BCL11B: variants seen among roughly 807,000 people sequenced by gnomAD.
BCL11B encodes BCL11 transcription factor B.
BCL11B carries 8 observed loss-of-function variants against 49.9 expected under a neutral mutation model. The ratio of observed to expected loss-of-function variants is 0.16; its 90% CI spans 0.09 to 0.29. The LOEUF is 0.29. Ranked by LOEUF, BCL11B falls within the 10% of genes least tolerant of loss-of-function variation. BCL11B has a pLI of 1.00. For missense variants in BCL11B, 1,006 were observed against 1,351.0 expected, an observed-to-expected ratio of 0.74 and a Z score of 4.00; for synonymous variants, 739 against 637.4, an observed-to-expected ratio of 1.16 and a Z score of -2.40.
In BCL11B at chr14:99,174,632, G is replaced by C; in HGVS notation, c.2204C>G (p.Ser735Trp). Residue 735 changes from serine to tryptophan, a missense_variant, in exon 4 of 4, where the codon TCG becomes TGG. Physicochemically the swap from Ser to Trp is radical, Grantham distance 177 (BLOSUM62 -3). Around this residue, in one of 6 missense-constraint regions of BCL11B, gnomAD observed 443 missense variants for 499.7 expected, o/e 0.89. Coordinates refer to ENST00000357195, the MANE Select transcript of BCL11B (RefSeq NM_138576.4). Reference sequence around the variant, plus strand: ...GTGCTCGGACGACGTGGCGAAGGGCGACTGTCGTGCGTCCGTGAAGCCCAG... The same window carrying C: ...GTGCTCGGACGACGTGGCGAAGGGCCACTGTCGTGCGTCCGTGAAGCCCAG... ...PFLGFTDARQ[S>W]PFATSSEHSS... The C allele has an allele frequency of 6.4e-7, 1 of 1,568,682 alleles. No homozygotes were observed. The highest frequency in any genetic ancestry group is 8.6e-7 in the Non-Finnish European group (1 of 1,161,694).
chr14:99,197,169 A>G (rs924737921), intron 3 of BCL11B, among the ~76,000 whole-genome samples: 1 of 152,160 alleles, frequency 6.6e-6, no homozygotes, highest in African/African-American at 2.4e-5. Flanking sequence ...GCTACACAAC[A>G]TCCCTTTGCT....
intron 1 of BCL11B, among the ~76,000 whole-genome samples, chr14:99,269,834 G>C (rs1889603333): frequency 7.5e-6 from 1 of 133,298 alleles, no homozygotes; most frequent in African/African-American, 2.8e-5. Context: ...CCTGCCCGCG[G>C]TCTCGATGGC....
rs1888345452 is a variant in BCL11B, at chr14:99,231,792, G to A, written c.428-235C>T. ...CCCGGTTTCCACAGCTGCCAGGCTGGGCTGTCGGGGAGGCAGGACCCCGCC... is the reference window on the plus strand; with the variant it reads ...CCCGGTTTCCACAGCTGCCAGGCTGAGCTGTCGGGGAGGCAGGACCCCGCC... On this transcript the variant is annotated intron_variant, in intron 2 of 3. Coordinates refer to ENST00000357195, the MANE Select transcript of BCL11B (RefSeq NM_138576.4). This position sits in a 1 kb window ranked among gnomAD's most constrained non-coding sequence, Gnocchi z 8.1. 1.3e-5 allele frequency among the ~76,000 whole-genome samples: 2 copies of A among 151,946 alleles called. No individual in the cohort carries two copies. The highest frequency in any genetic ancestry group is 4.1e-4 in the South Asian group (2 of 4,824).
At chr14:99,177,249 C>T (rs956210751) in intron 3 of BCL11B, among the ~76,000 whole-genome samples, 3 of 152,156 alleles carry the variant, frequency 2.0e-5, no homozygotes, top group African/African-American at 7.2e-5. Context: ...ATCCTCACAT[C>T]TGACAGGGCA....
At chr14:99,203,985 C>T (rs1273498452) in intron 3 of BCL11B, among the ~76,000 whole-genome samples, 2 of 152,170 alleles carry the variant, frequency 1.3e-5, no homozygotes, top group Non-Finnish European at 2.9e-5. Flanking sequence ...CCCCAGGTCC[C>T]CCAGGCCCTT....
rs1387343779 is a variant in BCL11B, at chr14:99,231,827, C to T, written c.428-270G>A. Among the ~76,000 whole-genome samples the T allele has an allele frequency of 1.3e-5, 2 of 151,890 alleles. No homozygotes were observed. Among genetic ancestry groups the T allele is most frequent in the Non-Finnish European group, 2.9e-5 (2 of 67,910 alleles). ...GAGGCAGGACCCCGCCTCTGGGGGC[C>T]TGGTGCAGGGGGCTGGGTGAACGGG... On this transcript the variant is annotated intron_variant, in intron 2 of 3. Coordinates refer to ENST00000357195, the MANE Select transcript of BCL11B (RefSeq NM_138576.4). The surrounding 1 kb of genome is among the most constrained non-coding windows in gnomAD (Gnocchi z 8.1).
intron 3 of BCL11B, among the ~76,000 whole-genome samples, chr14:99,183,532 A>G (rs1377542592): frequency 6.6e-6 from 1 of 151,990 alleles, no homozygotes; most frequent in Non-Finnish European, 1.5e-5. Context: ...ACCCACTTCA[A>G]AGCCCAGACA....
Position 99,271,271 on chromosome 14 carries a change from C to G in BCL11B, c.-53G>C. Reference sequence around the variant, plus strand: ...CGGAGAGCTGCACTGATGGGGGGAGCCGGGGGAGGGGGTCCGAGCCGCCGC... The same window carrying G: ...CGGAGAGCTGCACTGATGGGGGGAGGCGGGGGAGGGGGTCCGAGCCGCCGC... On this transcript the variant is annotated 5_prime_UTR_variant, in exon 1 of 4. Transcript: ENST00000357195. 1 of 1,277,714 alleles carries G rather than the reference C, an allele frequency of 7.8e-7. No homozygotes were observed. The highest frequency in any genetic ancestry group is 9.9e-7 in the Non-Finnish European group (1 of 1,009,644). The allele number at this position is 1,277,714 out of a possible 1,614,324, so 79.1% of individuals were successfully genotyped here.
chr14:99,233,874 G>T (rs972770147), intron 2 of BCL11B, among the ~76,000 whole-genome samples: 1 of 152,276 alleles, frequency 6.6e-6, no homozygotes, highest in South Asian at 2.1e-4. Flanking sequence ...CGGCTCAACT[G>T]AGGCAGGGGA....
At chr14:99,185,469 G>A (rs183897091) in intron 3 of BCL11B, among the ~76,000 whole-genome samples, 274 of 148,128 alleles carry the variant, frequency 1.8e-3, no homozygotes, top group African/African-American at 6.5e-3. Flanking sequence ...AAAACTATAT[G>A]ACCAGTAATG....
chr14:99,269,059 C>T (rs1889569696), intron 1 of BCL11B, among the ~76,000 whole-genome samples: 1 of 151,664 alleles, frequency 6.6e-6, no homozygotes, highest in Non-Finnish European at 1.5e-5. Flanking sequence ...GCAAAGCGAA[C>T]CTACCTGCTT....
chr14:99,220,541 T>G lies in BCL11B; in HGVS notation c.640+10804A>C, dbSNP rs1040427493. 2.6e-5 allele frequency among the ~76,000 whole-genome samples: 4 copies of G among 152,250 alleles called. No individual in the cohort carries two copies. In the East Asian group the frequency reaches 7.7e-4, roughly 29 times the overall value. Reference sequence around the variant, plus strand: ...ACCTAAGGAACCTAGAGTAGTCACATTCAGAGAGACAGAACGGAGAATGGG... The same window carrying G: ...ACCTAAGGAACCTAGAGTAGTCACAGTCAGAGAGACAGAACGGAGAATGGG... On this transcript the variant is annotated intron_variant, in intron 3 of 3. Transcript: ENST00000357195.
At chr14:99,252,964 G>A (rs944977855) in intron 2 of BCL11B, among the ~76,000 whole-genome samples, 14 of 152,240 alleles carry the variant, frequency 9.2e-5, no homozygotes, top group East Asian at 7.7e-4. Context: ...AGAAAAACAC[G>A]TACTCGGCAT....
chr14:99,226,866 C>T (rs1888176184), intron 3 of BCL11B, among the ~76,000 whole-genome samples: 1 of 152,224 alleles, frequency 6.6e-6, no homozygotes. Context: ...AAACCCCAGA[C>T]TAGTTAAATA....
chr14:99,207,050 G>A (rs1269942179), intron 3 of BCL11B, among the ~76,000 whole-genome samples: 1 of 152,190 alleles, frequency 6.6e-6, no homozygotes, highest in Non-Finnish European at 1.5e-5. Context: ...TCTTTCATAA[G>A]TGAATCAGAA....
rs1402716515 is a variant in BCL11B at position 99,257,042 on chromosome 14, G to A, written c.427+429C>T. Among the ~76,000 whole-genome samples, 1 of 152,162 alleles carries A rather than the reference G, an allele frequency of 6.6e-6. No individual in the cohort carries two copies. The highest frequency in any genetic ancestry group is 1.5e-5 in the Non-Finnish European group (1 of 68,030). The stretch of plus-strand genomic sequence containing the variant: ...TCGTCCTCACAGCAACCCTAATGAG[G>A]TGGGTTTCCTTAGCTCCATTTCACA... On this transcript the variant is annotated intron_variant, in intron 2 of 3. Transcript: ENST00000357195. This position sits in a 1 kb window ranked among gnomAD's most constrained non-coding sequence, Gnocchi z 6.2.
chr14:99,199,687 C>CGCGCGCGCGCGCGCGCGCGCGCGT (rs1887306901), intron 3 of BCL11B, among the ~76,000 whole-genome samples: 2 of 58,850 alleles, frequency 3.4e-5, no homozygotes, highest in African/African-American at 9.1e-5. Context: ...TGTGTGTGCG[C>CGCGCGCGCGCGCGCGCGCGCGCGT]GCGCGCGCGC....
At chr14:99,254,259 T>C (rs1314657352) in intron 2 of BCL11B, among the ~76,000 whole-genome samples, 1 of 152,192 alleles carries the variant, frequency 6.6e-6, no homozygotes, top group Non-Finnish European at 1.5e-5. Flanking sequence ...TTCTCTATCA[T>C]TTACCAAAAA....
intron 2 of BCL11B, among the ~76,000 whole-genome samples, chr14:99,235,613 C>G (rs977241920): frequency 6.6e-6 from 1 of 151,718 alleles, no homozygotes; most frequent in African/African-American, 2.4e-5. Flanking sequence ...AAGTTTCTCC[C>G]TTTTTATTTA....
Sources: allele counts gnomAD v4.1 joint callset (sites outside exome capture counted in the v4.1 genomes callset), GRCh38; gene constraint gnomAD v4.1.1; regional missense constraint gnomAD v4.1.1; non-coding constraint Gnocchi (gnomAD v3.1); transcripts MANE v1.5; gene names NCBI Gene and HGNC (gene_info 2026-07-23, HGNC 2026-07-21).